ZNF695: variants seen among roughly 807,000 people sequenced by gnomAD.
ZNF695 encodes the protein zinc finger protein 695, also known as zinc finger protein SBZF3.
A neutral mutation model predicts 11.2 loss-of-function variants in ZNF695; 11 were observed. The ratio of observed to expected loss-of-function variants is 0.98; its 90% CI spans 0.62 to 1.62. ZNF695 has a LOEUF of 1.62. Among genes scored for constraint, ZNF695 ranks in the 40% most tolerant of loss-of-function variants. The pLI, the probability that ZNF695 is intolerant of heterozygous loss-of-function variation, is 0.00. For synonymous variants in ZNF695, 190 were observed against 201.4 expected, an observed-to-expected ratio of 0.94 and a Z score of 0.48; for missense variants, 559 against 590.5, an observed-to-expected ratio of 0.95 and a Z score of 0.55.
chr1:246,984,089 T>C (rs1422292632), downstream of ZNF695, among the ~76,000 whole-genome samples: 1 of 143,610 alleles, frequency 7.0e-6, no homozygotes, highest in Non-Finnish European at 1.5e-5. Context: ...GAGGCAGAGG[T>C]TGCAGTAATC....
Position 246,958,215 on chromosome 1 carries a change from C to T in ZNF695, c.488+9480G>A, listed in dbSNP as rs578121041. Among the ~76,000 whole-genome samples, 70 of 151,960 alleles carry T rather than the reference C, an allele frequency of 4.6e-4. No individual in the cohort carries two copies. In the East Asian group the frequency reaches 6.4e-3, roughly 14 times the overall value. ...CTGGGACTACAGGTGCACACCACCA[C>T]GCCCGGCTAATTTTTTGTATTTTTA... On this transcript the variant is annotated intron_variant, in intron 5 of 5. Coordinates refer to the ZNF695 transcript ENST00000487338.
At chr1:246,966,492 A>G (rs1005661238) in intron 5 of ZNF695, among the ~76,000 whole-genome samples, 1 of 151,812 alleles carries the variant, frequency 6.6e-6, no homozygotes, top group African/African-American at 2.4e-5. Flanking sequence ...CCACCAAAAA[A>G]AATTCAAAGT....
chr1:246,945,665 A>C (rs1667715871), downstream of ZNF695: 1 of 879,066 alleles, frequency 1.1e-6, no homozygotes, highest in Non-Finnish European at 1.8e-6. Context: ...TATTCATCAG[A>C]AATAGATTCT....
At chr1:246,982,271 A>C (rs79574042), downstream of ZNF695, among the ~76,000 whole-genome samples, 2 of 20,238 alleles carry the variant, frequency 9.9e-5, no homozygotes, top group African/African-American at 1.8e-4. Context: ...ACTTAGTCTC[A>C]AAAAAAAAAA....
At chr1:246,971,866 C>G (rs936269770) in intron 4 of ZNF695, among the ~76,000 whole-genome samples, 2 of 152,114 alleles carry the variant, frequency 1.3e-5, no homozygotes, top group Non-Finnish European at 2.9e-5. Context: ...CACAGTGCAC[C>G]ACCACACCCG....
At chr1:246,958,402 G>C (rs1668064256) in intron 5 of ZNF695, among the ~76,000 whole-genome samples, 1 of 152,074 alleles carries the variant, frequency 6.6e-6, no homozygotes. Flanking sequence ...TTGGCAAAAA[G>C]TCACAAAATA....
chr1:246,951,542 A>G (rs1171717663), intron 5 of ZNF695, among the ~76,000 whole-genome samples: 2 of 152,220 alleles, frequency 1.3e-5, no homozygotes, highest in Admixed American at 6.5e-5. Flanking sequence ...GAACTGAGAT[A>G]ATACATTTCC....
intron 5 of ZNF695, among the ~76,000 whole-genome samples, chr1:246,947,951 G>A (rs944608681): frequency 6.6e-6 from 1 of 152,190 alleles, no homozygotes. Flanking sequence ...GTTTGCTGAG[G>A]CCATGATTTC....
At chr1:246,988,918 A>G (rs1215808931) in intron 3 of ZNF695, among the ~76,000 whole-genome samples, 9 of 151,952 alleles carry the variant, frequency 5.9e-5, no homozygotes, top group South Asian at 2.1e-4. Flanking sequence ...GTGAAACCCC[A>G]TCTCTACTAA....
chr1:246,965,125 T>C (rs1209254394), intron 5 of ZNF695, among the ~76,000 whole-genome samples: 1 of 151,904 alleles, frequency 6.6e-6, no homozygotes, highest in Non-Finnish European at 1.5e-5. Context: ...CCCAGCACTT[T>C]GGGAGGCCCA....
chr1:246,959,716 G>A lies in ZNF695; in HGVS notation c.488+7979C>T, dbSNP rs558735586. Among the ~76,000 whole-genome samples the A allele has an allele frequency of 2.3e-4, 34 of 151,036 alleles. No individual in the cohort carries two copies. In the East Asian group the frequency reaches 3.5e-3, roughly 16 times the overall value. ...GCTGGGATTACAGGTGTGAGCCACC[G>A]TGCCTGGCCCAAAATGGGCATATTT... is the stretch of plus-strand genomic sequence containing the variant. On this transcript the variant is annotated intron_variant, in intron 5 of 5. Coordinates refer to the ZNF695 transcript ENST00000487338.
chr1:246,975,257 T>G (rs1668527551), intron 4 of ZNF695, among the ~76,000 whole-genome samples: 1 of 152,178 alleles, frequency 6.6e-6, no homozygotes, highest in African/African-American at 2.4e-5. Context: ...AATAAATAAA[T>G]GAGTGATATG....
At chr1:246,975,267 G>A (rs1040450487) in intron 4 of ZNF695, among the ~76,000 whole-genome samples, 3 of 152,184 alleles carry the variant, frequency 2.0e-5, no homozygotes, top group Admixed American at 6.5e-5. Context: ...TGAGTGATAT[G>A]CTGTTGGCAA....
chr1:246,958,636 C>T (rs923199325), intron 5 of ZNF695, among the ~76,000 whole-genome samples: 6 of 152,136 alleles, frequency 3.9e-5, no homozygotes, highest in Admixed American at 6.6e-5. Flanking sequence ...AGAGTCCAGG[C>T]GCCAGCCTTT....
chr1:246,951,141 CATT>C (rs1196523218), intron 5 of ZNF695, among the ~76,000 whole-genome samples: 1 of 151,566 alleles, frequency 6.6e-6, no homozygotes, highest in Non-Finnish European at 1.5e-5. Flanking sequence ...CAGTATGTGT[CATT>C]ATGTCATCAT....
chr1:246,994,042 G>C (rs930974832), intron 3 of ZNF695, among the ~76,000 whole-genome samples: 1 of 152,090 alleles, frequency 6.6e-6, no homozygotes, highest in African/African-American at 2.4e-5. Flanking sequence ...TGGGCGTGAT[G>C]GCACAAACCT....
chr1:246,980,625 C>T (rs1484147008), downstream of ZNF695, among the ~76,000 whole-genome samples: 1 of 151,996 alleles, frequency 6.6e-6, no homozygotes, highest in Non-Finnish European at 1.5e-5. Flanking sequence ...ACCATGTTGG[C>T]CAGGCTGGTT....
At chr1:246,970,256 T>C (rs1668391130) in intron 4 of ZNF695, among the ~76,000 whole-genome samples, 1 of 152,110 alleles carries the variant, frequency 6.6e-6, no homozygotes. Flanking sequence ...ACTGACAAAA[T>C]ATACGAAACA....
At chr1:246,956,838 C>A (rs949523321) in intron 5 of ZNF695, among the ~76,000 whole-genome samples, 2 of 152,106 alleles carry the variant, frequency 1.3e-5, no homozygotes, top group African/African-American at 2.4e-5. Context: ...TGAGCCACTG[C>A]GCTGGGCCTA....
Sources: allele counts gnomAD v4.1 joint callset (sites outside exome capture counted in the v4.1 genomes callset), GRCh38; gene constraint gnomAD v4.1.1; transcripts MANE v1.5; gene names NCBI Gene and HGNC (gene_info 2026-07-23, HGNC 2026-07-21).